The following ADGRE3 variants were observed in gnomAD, a reference collection of about 807,000 sequenced individuals.
The protein encoded by ADGRE3 is EGF-like module receptor 3.
A neutral mutation model predicts 80.1 loss-of-function variants in ADGRE3; 88 were observed. The ratio of observed to expected loss-of-function variants is 1.10; its 90% CI spans 0.93 to 1.31. The LOEUF is 1.31. Among genes scored for constraint, ADGRE3 ranks in the 40% most tolerant of loss-of-function variants. The probability of loss-of-function intolerance (pLI) is 0.00; values close to 1 mark genes in which losing one functional copy is unlikely to be tolerated. For synonymous variants in ADGRE3, 281 were observed against 294.8 expected (o/e 0.95, Z 0.48); for missense variants, 715 against 776.5 (o/e 0.92, Z 0.94).
At chr19:14,658,693 T>C (rs1406501655) in intron 4 of ADGRE3, 143 bp from the exon 5 acceptor site, 6 of 404,732 alleles carry the variant, frequency 1.5e-5, no homozygotes, top group Admixed American at 1.3e-4. Context: ...CTGCTGTTTG[T>C]TGATTTTTAA....
chr19:14,658,672 A>G, intron 4 of ADGRE3, 122 bp from the exon 5 acceptor site: 1 of 462,158 alleles, frequency 2.2e-6, no homozygotes, highest in Non-Finnish European at 3.8e-6. Flanking sequence ...GCCTGAATTC[A>G]TAGTCTTTAT....
chr19:14,658,386 A>G, intron 5 of ADGRE3, 127 bp downstream of exon 5: 1 of 374,794 alleles, frequency 2.7e-6, no homozygotes, highest in Non-Finnish European at 4.7e-6. Context: ...TAAATAATAC[A>G]TTATATATGT....
At position 14,633,285 on chromosome 19, in the gene ADGRE3, T is replaced by C. The variant is rs748670693; in HGVS notation, c.1502A>G (p.Asp501Gly). The C allele has an allele frequency of 2.5e-6, 4 of 1,612,128 alleles. No homozygotes were observed. The South Asian group carries it at 4.4e-5, about 18-fold the overall frequency. Reference sequence around the variant, plus strand: ...AAGGAAACTCCACATGAATCCCTGGTCCAGGTGGAGCCAGCATCTAGGAAC... The same window carrying C: ...AAGGAAACTCCACATGAATCCCTGGCCCAGGTGGAGCCAGCATCTAGGAAC... ...GTADRCWLHLDQGFMWSFLGP... is the reference protein window; with the variant it reads ...GTADRCWLHLGQGFMWSFLGP... Residue 501 changes from aspartate (D) to glycine (G), a missense_variant, in exon 12 of 16, where the codon GAC (aspartate) becomes GGC (glycine). Asp to Gly is a moderately conservative substitution (Grantham distance 94, BLOSUM62 -1). Coordinates refer to ENST00000253673, the MANE Select transcript of ADGRE3 (RefSeq NM_032571.5).
Position 14,630,188 on chromosome 19 carries a change from T to C in ADGRE3, c.1663A>G (p.Thr555Ala), listed in dbSNP as rs375553360. 17 of 1,602,184 alleles carry C rather than the reference T, an allele frequency of 1.1e-5. No individual in the cohort carries two copies. The East Asian group carries it at 1.1e-4, about 11-fold the overall frequency. ...QNTRMLAFKATAQLFILGCTW... is the reference protein window; with the variant it reads ...QNTRMLAFKAAAQLFILGCTW... ...CAGCCCAGGATGAAGAGCTGAGCTG[T>C]TGCTTTGAAAGCCAGCATCCTGGGA... The change falls in exon 14 of 16, where the codon ACA (threonine) becomes GCA (alanine). Residue 555 changes from threonine (T) to alanine (A), a missense_variant. Thr to Ala is a moderately conservative substitution (Grantham distance 58). Transcript: ENST00000253673.
intron 7 of ADGRE3, among the ~76,000 whole-genome samples, chr19:14,649,574 A>C (rs371409352): frequency 1.9e-4 from 19 of 99,234 alleles, no homozygotes; most frequent in Admixed American, 3.2e-4. Flanking sequence ...ATCTCTCTCC[A>C]TCTCTTTCTC....
the ADGRE3 span, among the ~76,000 whole-genome samples, chr19:14,606,026 G>A: frequency 6.6e-6 from 1 of 152,050 alleles, no homozygotes; most frequent in Non-Finnish European, 1.5e-5. Context: ...ATGAGGCAGC[G>A]TGTCAAAAGC....
At chr19:14,626,128 G>C (rs1426887059) in intron 14 of ADGRE3, among the ~76,000 whole-genome samples, 1 of 151,968 alleles carries the variant, frequency 6.6e-6, no homozygotes, top group Non-Finnish European at 1.5e-5. Context: ...TTCATTACAG[G>C]GTATATAATT....
intron 8 of ADGRE3, among the ~76,000 whole-genome samples, chr19:14,646,413 T>C (rs901349941): frequency 6.6e-6 from 1 of 152,158 alleles, no homozygotes; most frequent in Non-Finnish European, 1.5e-5. Flanking sequence ...CTTCTTTTCT[T>C]TTTTTGTTTT....
the ADGRE3 span, among the ~76,000 whole-genome samples, chr19:14,609,020 G>A: frequency 6.6e-6 from 1 of 151,982 alleles, no homozygotes; most frequent in Non-Finnish European, 1.5e-5. Flanking sequence ...GGCTGGTCTC[G>A]AAATCCTGAC....
chr19:14,602,120 C>T, the ADGRE3 span, among the ~76,000 whole-genome samples: 5 of 151,928 alleles, frequency 3.3e-5, no homozygotes, highest in Non-Finnish European at 7.4e-5. Context: ...TTTGTAGAGA[C>T]AGGGTCTTGC....
downstream of ADGRE3, among the ~76,000 whole-genome samples, chr19:14,617,394 C>CTTTCTTTCTTTCTT (rs1599594082): frequency 9.7e-6 from 1 of 103,622 alleles, no homozygotes; most frequent in Non-Finnish European, 1.8e-5. Context: ...TTCTTTCTTT[C>CTTTCTTTCTTTCTT]TTTCTTTTCT....
intron 15 of ADGRE3, among the ~76,000 whole-genome samples, chr19:14,620,548 T>TATATTATATATATATA: frequency 4.0e-5 from 1 of 24,982 alleles, no homozygotes; most frequent in Non-Finnish European, 6.2e-5. Context: ...TATATATATA[T>TATATTATATATATATA]TATATATATA....
downstream of ADGRE3, among the ~76,000 whole-genome samples, chr19:14,614,645 C>T (rs181013027): frequency 1.3e-5 from 2 of 149,882 alleles, no homozygotes; most frequent in Admixed American, 1.3e-4. Context: ...GGTGTGATCT[C>T]GGCTCACTGC....
intron 13 of ADGRE3, 73 bp downstream of exon 13, chr19:14,632,848 T>C: frequency 1.0e-6 from 1 of 958,574 alleles, no homozygotes; most frequent in Non-Finnish European, 1.7e-6. Context: ...CTGTTGAATG[T>C]ACGTGTGTAT....
At chr19:14,607,036 TG>T in the ADGRE3 span, 1 of 1,341,898 alleles carries the variant, frequency 7.5e-7, no homozygotes, top group South Asian at 1.9e-5. Flanking sequence ...GTGTACTGGC[TG>T]GGGCTGAATG....
At chr19:14,601,225 G>T in the ADGRE3 span, among the ~76,000 whole-genome samples, 3 of 152,018 alleles carry the variant, frequency 2.0e-5, no homozygotes, top group Non-Finnish European at 4.4e-5. Context: ...TTTATGCTGC[G>T]GTAACAGACA....
the ADGRE3 span, among the ~76,000 whole-genome samples, chr19:14,601,942 G>A: frequency 2.6e-5 from 4 of 151,980 alleles, no homozygotes; most frequent in Non-Finnish European, 4.4e-5. Context: ...ACAGGCGCCC[G>A]CCACCACACC....
rs1338588763 is a variant in ADGRE3, at chr19:14,666,297, AAGGT to A, written c.76+2501_76+2504del. On this transcript the variant is annotated intron_variant, in intron 2 of 15. Coordinates refer to ENST00000253673, the MANE Select transcript of ADGRE3 (RefSeq NM_032571.5). ...TTATTATGGCCATTCTTGCAGGAGT[AAGGT>A]GGTATTGCATTGTGATTTCGATTTG... Among the ~76,000 whole-genome samples the A allele has an allele frequency of 3.3e-5, 5 of 151,326 alleles. No individual in the cohort carries two copies. The East Asian group carries it at 9.7e-4, about 29-fold the overall frequency.
intron 1 of ADGRE3, among the ~76,000 whole-genome samples, chr19:14,673,136 G>A (rs925191695): frequency 6.6e-6 from 1 of 152,196 alleles, no homozygotes; most frequent in Non-Finnish European, 1.5e-5. Context: ...GGGTTGCAAA[G>A]GTGAGGGAGA....
Sources: allele counts gnomAD v4.1 joint callset (sites outside exome capture counted in the v4.1 genomes callset), GRCh38; gene constraint gnomAD v4.1.1; transcripts MANE v1.5; gene names NCBI Gene and HGNC (gene_info 2026-07-23, HGNC 2026-07-21).